Variants in COLEC12 observed in about 807,000 individuals in gnomAD.
The protein encoded by COLEC12 is collectin subfamily member 12, also known as collectin-12.
In COLEC12, 33 loss-of-function variants were observed where a neutral mutation model predicts 71.1. The observed-to-expected ratio is 0.46, with a 90% confidence interval of 0.35 to 0.62. The LOEUF is 0.62. Ranked by LOEUF, COLEC12 falls within the 20% of genes least tolerant of loss-of-function variation. The pLI is 0.00. For synonymous variants in COLEC12, 350 were observed against 353.0 expected (o/e 0.99, Z 0.10); for missense variants, 765 against 916.1 (o/e 0.84, Z 2.13).
At chr18:484,670 G>A (rs1917486304) in intron 1 of COLEC12, among the ~76,000 whole-genome samples, 1 of 152,116 alleles carries the variant, frequency 6.6e-6, no homozygotes, top group African/African-American at 2.4e-5. Context: ...AACCACCAGA[G>A]ACTGTGAGAT....
chr18:409,133 G>C (rs1314572371), intron 2 of COLEC12, among the ~76,000 whole-genome samples: 3 of 152,148 alleles, frequency 2.0e-5, no homozygotes, highest in African/African-American at 7.2e-5. Context: ...ACCGCATCTG[G>C]CCATGTACCA....
intron 2 of COLEC12, among the ~76,000 whole-genome samples, chr18:402,687 T>C (rs932126862): frequency 6.6e-6 from 1 of 152,014 alleles, no homozygotes; most frequent in African/African-American, 2.4e-5. Flanking sequence ...ATTAGAGTTA[T>C]CGCTACTGCT....
chr18:393,347 C>T (rs529957039), intron 2 of COLEC12, among the ~76,000 whole-genome samples: 2 of 152,230 alleles, frequency 1.3e-5, no homozygotes, highest in African/African-American at 4.8e-5. Flanking sequence ...TTTGGCTTTT[C>T]TCATGTAGGC....
intron 6 of COLEC12, chr18:333,864 CT>C (rs1266110460): frequency 6.6e-6 from 1 of 152,128 alleles, no homozygotes; most frequent in Non-Finnish European, 1.5e-5. Flanking sequence ...TGTTTGTCTT[CT>C]GAGGGCTGGC....
intron 2 of COLEC12, among the ~76,000 whole-genome samples, chr18:395,567 C>T (rs1458084457): frequency 6.6e-6 from 1 of 152,190 alleles, no homozygotes; most frequent in Non-Finnish European, 1.5e-5. Context: ...GAGTTCACAG[C>T]TCATGCATTC....
chr18:500,635 CT>C lies in COLEC12; in HGVS notation c.-122del. 2.5e-6 allele frequency: 2 copies of C among 808,902 alleles called. No homozygotes were observed. Among genetic ancestry groups the C allele is most frequent in the Non-Finnish European group, 3.2e-6 (2 of 626,436 alleles). The allele number at this position is 808,902 out of a possible 1,614,324, so 50.1% of individuals were successfully genotyped here. A position where few individuals can be genotyped will look rare whatever the true frequency, so the allele number is the denominator to read the frequency against. On this transcript the variant is annotated 5_prime_UTR_variant, in exon 1 of 10. Coordinates refer to ENST00000400256, the MANE Select transcript of COLEC12 (RefSeq NM_130386.3). The surrounding 1 kb of genome is among the most constrained non-coding windows in gnomAD (Gnocchi z 5.3). ...GGTAGCCGCGCCGCGCGCCGGCCGT[CT>C]GCGCCCCCGTCCTCCCTCGCCGCCG...
intron 7 of COLEC12, among the ~76,000 whole-genome samples, chr18:332,722 C>A (rs746228490): frequency 1.3e-5 from 2 of 152,188 alleles, no homozygotes; most frequent in Non-Finnish European, 2.9e-5. Context: ...CTGGTGGCAG[C>A]CCTCAAGCTT....
At chr18:390,755 G>A (rs1030333793) in intron 2 of COLEC12, among the ~76,000 whole-genome samples, 3 of 151,856 alleles carry the variant, frequency 2.0e-5, no homozygotes, top group Non-Finnish European at 2.9e-5. Context: ...GTGAGACTCC[G>A]TCTCCGAAAA....
At chr18:436,725 T>G (rs2143685671) in intron 2 of COLEC12, among the ~76,000 whole-genome samples, 1 of 152,010 alleles carries the variant, frequency 6.6e-6, no homozygotes, top group Admixed American at 6.6e-5. Flanking sequence ...GGTGCATGGC[T>G]TTCCCCGACA....
intron 2 of COLEC12, among the ~76,000 whole-genome samples, chr18:456,260 C>T (rs559221552): frequency 6.6e-6 from 1 of 152,294 alleles, no homozygotes; most frequent in South Asian, 2.1e-4. Flanking sequence ...TCTGAGTTCT[C>T]AATGAAGACC....
intron 2 of COLEC12, among the ~76,000 whole-genome samples, chr18:436,539 G>GGAA (rs1916410429): frequency 1.7e-5 from 1 of 60,056 alleles, no homozygotes; most frequent in Non-Finnish European, 3.4e-5. Flanking sequence ...GGGGGGGGGG[G>GGAA]AAACAGGGGT....
intron 1 of COLEC12, among the ~76,000 whole-genome samples, chr18:483,782 A>T (rs1265074969): frequency 6.6e-6 from 1 of 152,220 alleles, no homozygotes; most frequent in Non-Finnish European, 1.5e-5. Context: ...TCTCCATTTA[A>T]GAGAAACGCT....
rs543849839 is a variant in COLEC12 at position 319,775 on chromosome 18, G to A, written c.*270C>T. The stretch of plus-strand genomic sequence containing the variant: ...TTCCATACTTTGGAAGACATAATTT[G>A]TATAATCGCACGGTTACTGACGGAG... On this transcript the variant is annotated 3_prime_UTR_variant, in exon 10 of 10. Coordinates refer to ENST00000400256, the MANE Select transcript of COLEC12 (RefSeq NM_130386.3). 4.2e-6 allele frequency: 2 copies of A among 471,814 alleles called. No homozygotes were observed. Among genetic ancestry groups the A allele is most frequent in the East Asian group, 8.4e-5 (2 of 23,748 alleles). The allele number at this position is 471,814 out of a possible 1,614,324, so 29.2% of individuals were successfully genotyped here. A position where few individuals can be genotyped will look rare whatever the true frequency, so the allele number is the denominator to read the frequency against.
chr18:454,289 A>G lies in COLEC12; in HGVS notation c.58+26418T>C, dbSNP rs575286034. ...TTTACTTCCCACACACCATGAGGCT[A>G]CGATGCGCTTCCCAAATCACAGCCT... On this transcript the variant is annotated intron_variant, in intron 2 of 9. Coordinates refer to ENST00000400256, the MANE Select transcript of COLEC12 (RefSeq NM_130386.3). Among the ~76,000 whole-genome samples the G allele has an allele frequency of 3.9e-5, 6 of 152,290 alleles. No homozygotes were observed. In the South Asian group the frequency reaches 1.2e-3, roughly 32 times the overall value.
intron 2 of COLEC12, among the ~76,000 whole-genome samples, chr18:415,565 A>T (rs1250847931): frequency 6.6e-6 from 1 of 152,152 alleles, no homozygotes; most frequent in Non-Finnish European, 1.5e-5. Context: ...CCTGTCATAG[A>T]CTAATATTTG....
At chr18:373,378 G>A (rs1456197389) in intron 2 of COLEC12, among the ~76,000 whole-genome samples, 2 of 152,252 alleles carry the variant, frequency 1.3e-5, no homozygotes, top group East Asian at 3.9e-4. Context: ...CCCGTCAGAA[G>A]TACATGGTGG....
intron 2 of COLEC12, among the ~76,000 whole-genome samples, chr18:368,651 T>G (rs1567886594): frequency 6.6e-6 from 1 of 151,790 alleles, no homozygotes; most frequent in South Asian, 2.1e-4. Context: ...GATCATGAGG[T>G]CAGGAGATCG....
At chr18:333,625 A>T (rs1406068079) in intron 6 of COLEC12, 1 of 152,832 alleles carries the variant, frequency 6.5e-6, no homozygotes, top group Non-Finnish European at 1.5e-5. Context: ...TGCTAACCAA[A>T]CATTCGAGTT....
At chr18:380,480 A>G (rs1915206123) in intron 2 of COLEC12, among the ~76,000 whole-genome samples, 2 of 43,092 alleles carry the variant, frequency 4.6e-5, no homozygotes, top group African/African-American at 1.6e-4. Flanking sequence ...AATAGGGACA[A>G]GAATGGTATC....
Sources: allele counts gnomAD v4.1 joint callset (sites outside exome capture counted in the v4.1 genomes callset), GRCh38; gene constraint gnomAD v4.1.1; non-coding constraint Gnocchi (gnomAD v3.1); transcripts MANE v1.5; gene names NCBI Gene and HGNC (gene_info 2026-07-23, HGNC 2026-07-21).